Variants in HOPX observed in about 807,000 individuals in gnomAD.
The protein encoded by HOPX is HOP homeobox.
In HOPX, 5 loss-of-function variants were observed where a neutral mutation model predicts 11.8. That is an observed-to-expected ratio of 0.43 (90% CI 0.22 to 0.89). The LOEUF (loss-of-function observed/expected upper bound fraction) is 0.89. HOPX is among the 40% of genes least tolerant of loss of function. The pLI is 0.28. For missense variants in HOPX, 119 were observed against 120.0 expected, an observed-to-expected ratio of 0.99 and a Z score of 0.04; for synonymous variants, 49 against 49.7, an observed-to-expected ratio of 0.99 and a Z score of 0.06.
Position 56,655,839 on chromosome 4 carries a change from G to A in HOPX, c.198+18C>T, listed in dbSNP as rs960870088. Reference sequence around the variant, plus strand: ...CCAGGCAGGGGTCGGGGCGCGCTGGGCGCGTGTGGGGACGCACCTGGGTCT... The same window carrying A: ...CCAGGCAGGGGTCGGGGCGCGCTGGACGCGTGTGGGGACGCACCTGGGTCT... On this transcript the variant is annotated intron_variant, in intron 3 of 3. Coordinates refer to ENST00000420433, the MANE Select transcript of HOPX (RefSeq NM_032495.6). 3.9e-5 allele frequency: 62 copies of A among 1,608,444 alleles called. No homozygotes were observed. The highest frequency in any genetic ancestry group is 4.6e-5 in the Non-Finnish European group (54 of 1,177,762).
intron 1 of HOPX, among the ~76,000 whole-genome samples, chr4:56,672,079 A>G (rs1718763715): frequency 6.6e-6 from 1 of 152,098 alleles, no homozygotes; most frequent in African/African-American, 2.4e-5. Context: ...GGGCAACAAA[A>G]TGACATCAGG....
chr4:56,656,060 C>T (rs757437660), intron 2 of HOPX, 48 bp from the exon 3 acceptor site: 39 of 1,446,022 alleles, frequency 2.7e-5, no homozygotes, highest in Middle Eastern at 4.5e-4. Context: ...GTGGAGCGGG[C>T]GGGACGCAGC....
intron 1 of HOPX, among the ~76,000 whole-genome samples, chr4:56,661,015 G>A (rs1428866207): frequency 6.6e-6 from 1 of 152,138 alleles, no homozygotes; most frequent in Non-Finnish European, 1.5e-5. Context: ...GTGCAGTGGT[G>A]TGATCATAGC....
At chr4:56,664,002 C>A (rs1291677188) in intron 1 of HOPX, 1 of 152,148 alleles carries the variant, frequency 6.6e-6, no homozygotes, top group African/African-American at 2.4e-5. Flanking sequence ...CTTTGCTGAG[C>A]CTCCATTTCA....
At chr4:56,668,282 G>A (rs1044140408) in intron 1 of HOPX, among the ~76,000 whole-genome samples, 2 of 152,200 alleles carry the variant, frequency 1.3e-5, no homozygotes, top group African/African-American at 4.8e-5. Flanking sequence ...GCGAACAAAG[G>A]AGAATGGAAA....
In HOPX at chr4:56,655,834, G is replaced by T. The variant is rs1465378099; in HGVS notation, c.198+23C>A. ...TCAGCCCAGGCAGGGGTCGGGGCGC[G>T]CTGGGCGCGTGTGGGGACGCACCTG... On this transcript the variant is annotated intron_variant, in intron 3 of 3. Transcript: ENST00000420433. 4 of 1,606,588 alleles carry T rather than the reference G, an allele frequency of 2.5e-6. No homozygotes were observed. The East Asian group carries it at 9.0e-5, about 36-fold the overall frequency.
chr4:56,675,795 A>G (rs1462702743), intron 1 of HOPX, among the ~76,000 whole-genome samples: 2 of 151,770 alleles, frequency 1.3e-5, no homozygotes, highest in East Asian at 3.9e-4. Flanking sequence ...CCCTCTATCA[A>G]ACCTGTTCCC....
chr4:56,667,301 T>G (rs1181608787), intron 1 of HOPX, among the ~76,000 whole-genome samples: 2 of 152,234 alleles, frequency 1.3e-5, no homozygotes, highest in Non-Finnish European at 2.9e-5. Flanking sequence ...TCTTGGTGTT[T>G]TAGGACGTTA....
chr4:56,667,521 G>A (rs36095105), intron 1 of HOPX, among the ~76,000 whole-genome samples: 6,620 of 152,154 alleles, frequency 0.044, 229 homozygotes, highest in Middle Eastern at 0.099. Flanking sequence ...TAGCACAACC[G>A]TATTGACAAT....
rs115078439 is a variant in HOPX at position 56,675,046 on chromosome 4, A to G, written c.-84+6209T>C. On this transcript the variant is annotated intron_variant, in intron 1 of 3. Transcript: ENST00000420433. Reference sequence around the variant, plus strand: ...CTTCTCTACATTTAAAAGAGCTTCTATTGCTACCCAAGCATGGCCAAATAA... The same window carrying G: ...CTTCTCTACATTTAAAAGAGCTTCTGTTGCTACCCAAGCATGGCCAAATAA... 2.2e-4 allele frequency among the ~76,000 whole-genome samples: 34 copies of G among 151,670 alleles called. 2 individuals carry two copies. The highest frequency in any genetic ancestry group is 8.1e-4 in the African/African-American group (33 of 40,988).
rs1232045566 is a variant in HOPX, at chr4:56,656,904, C to G, written c.42+871G>C. The stretch of plus-strand genomic sequence containing the variant: ...GTGTGCTCCCCGAGGGGAGGACTTG[C>G]AAGATGGAGCCACAATCCAACTGAG... On this transcript the variant is annotated intron_variant, in intron 2 of 3. Transcript: ENST00000420433. Among the ~76,000 whole-genome samples the G allele has an allele frequency of 2.0e-5, 3 of 152,278 alleles. No homozygotes were observed. In the East Asian group the frequency reaches 5.8e-4, roughly 29 times the overall value.
In HOPX at chr4:56,648,767, G is replaced by A. The variant is rs773173882; in HGVS notation, c.229C>T (p.Arg77Trp). Residue 77 changes from arginine (R) to tryptophan (W), a missense_variant, in exon 4 of 4, where the codon CGG becomes TGG. Transcript: ENST00000420433. ...KWFKQRLAKW[R>W]RSEGLPSECR... ...TCTGAGGGCAGGCCTTCTGAGCGCC[G>A]CCACTTTGCCAGGCGCTGCTTAAAC... The A allele has an allele frequency of 3.3e-5, 53 of 1,609,620 alleles. No homozygotes were observed. The highest frequency in any genetic ancestry group is 4.4e-5 in the South Asian group (4 of 90,768).
intron 3 of HOPX, among the ~76,000 whole-genome samples, chr4:56,655,384 G>A (rs1375380245): frequency 6.6e-6 from 1 of 152,128 alleles, no homozygotes; most frequent in Non-Finnish European, 1.5e-5. Context: ...CAAACCGGAG[G>A]ACTGAATTTA....
intron 3 of HOPX, chr4:56,650,547 C>G: frequency 1.2e-6 from 1 of 862,074 alleles, no homozygotes; most frequent in Non-Finnish European, 1.8e-6. Flanking sequence ...GGGGGTAAGG[C>G]TCTGCAGGAC....
intron 3 of HOPX, among the ~76,000 whole-genome samples, chr4:56,652,262 TA>T (rs1449618177): frequency 6.6e-6 from 1 of 152,184 alleles, no homozygotes; most frequent in African/African-American, 2.4e-5. Context: ...TTCAACTTCT[TA>T]GTCCCGCTTG....
chr4:56,649,182 G>A (rs1240331188), intron 3 of HOPX: 2 of 165,204 alleles, frequency 1.2e-5, no homozygotes, highest in African/African-American at 4.8e-5. Context: ...ATTTACTTGT[G>A]TATTCACTTG....
Position 56,657,819 on chromosome 4 carries a change from G to A in HOPX, c.-3C>T, listed in dbSNP as rs1053807949. 3 of 1,484,962 alleles carry A rather than the reference G, an allele frequency of 2.0e-6. No homozygotes were observed. The African/African-American group carries it at 4.2e-5, about 21-fold the overall frequency. The allele number at this position is 1,484,962 out of a possible 1,614,324, so 92.0% of individuals were successfully genotyped here. On this transcript the variant is annotated 5_prime_UTR_variant, in exon 2 of 4. Transcript: ENST00000420433. The stretch of plus-strand genomic sequence containing the variant: ...TAACAGCCCAGGAAAATGAGCATAG[G>A]AAGACTAACTTTCTGAATGTTGCCC...
upstream of HOPX, chr4:56,681,379 C>A: frequency 1.0e-6 from 1 of 985,428 alleles, no homozygotes; most frequent in Non-Finnish European, 1.2e-6. Flanking sequence ...CGCCTATGAG[C>A]ACACACTCGA....
intron 1 of HOPX, among the ~76,000 whole-genome samples, chr4:56,660,449 G>T (rs967578921): frequency 1.3e-5 from 2 of 151,998 alleles, no homozygotes; most frequent in Admixed American, 6.6e-5. Flanking sequence ...GTTAACAGTG[G>T]TTATATCTAG....
Sources: gnomAD v4.1 joint callset for allele counts (sites outside exome capture counted in the v4.1 genomes callset) on GRCh38, gnomAD v4.1.1 for gene constraint, MANE v1.5 for transcripts, NCBI Gene and HGNC (gene_info 2026-07-23, HGNC 2026-07-21) for gene names.